The following COP1 variants were observed in gnomAD, a reference collection of about 807,000 sequenced individuals.
The protein encoded by COP1 is E3 ubiquitin-protein ligase COP1.
In COP1, 24 loss-of-function variants were observed where a neutral mutation model predicts 101.3. The ratio of observed to expected loss-of-function variants is 0.24; its 90% CI spans 0.17 to 0.33. The LOEUF (loss-of-function observed/expected upper bound fraction) is 0.33. COP1 is among the 10% of genes least tolerant of loss of function. The pLI, the probability that COP1 is intolerant of heterozygous loss-of-function variation, is 1.00. For missense variants in COP1, 663 were observed against 906.2 expected (o/e 0.73, Z 3.45); for synonymous variants, 347 against 341.9 (o/e 1.01, Z -0.17).
intron 8 of COP1, among the ~76,000 whole-genome samples, chr1:176,123,910 A>T (rs1687564410): frequency 6.6e-6 from 1 of 151,962 alleles, no homozygotes; most frequent in Non-Finnish European, 1.5e-5. Context: ...CATCTCTACC[A>T]CTCCCAAACC....
chr1:176,135,390 T>A (rs879538165), intron 7 of COP1, among the ~76,000 whole-genome samples: 1 of 152,068 alleles, frequency 6.6e-6, no homozygotes, highest in Admixed American at 6.6e-5. Flanking sequence ...ATATTTTAAA[T>A]GACATGTACA....
At chr1:175,972,764 C>A (rs1448910981) in intron 18 of COP1, among the ~76,000 whole-genome samples, 4 of 152,110 alleles carry the variant, frequency 2.6e-5, no homozygotes, top group African/African-American at 9.6e-5. Context: ...CTGCTCCCAG[C>A]CAAAAATGAC....
Position 176,043,933 on chromosome 1 carries a change from C to A in COP1, c.1422-115G>T, listed in dbSNP as rs904834212. ...TATTTTAAAATGGTCTCTATCAGTT[C>A]ACAATCATTATTCTGCCCACAACAT... is the stretch of plus-strand genomic sequence containing the variant. On this transcript the variant is annotated intron_variant, in intron 12 of 19. Transcript: ENST00000367669. The A allele has an allele frequency of 9.1e-6, 6 of 662,930 alleles. No individual in the cohort carries two copies. In the East Asian group the frequency reaches 1.3e-4, roughly 15 times the overall value. 41.1% of individuals were successfully genotyped at this position (662,930 alleles called of 1,614,324 possible). A position where few individuals can be genotyped will look rare whatever the true frequency, so the allele number is the denominator to read the frequency against.
intron 18 of COP1, among the ~76,000 whole-genome samples, chr1:175,959,033 G>A (rs762516854): frequency 2.6e-5 from 4 of 151,858 alleles, no homozygotes; most frequent in Non-Finnish European, 4.4e-5. Flanking sequence ...ATAGGCCAAT[G>A]TTATTCATAA....
At position 176,046,234 on chromosome 1, in the gene COP1, A is replaced by C; in HGVS notation, c.1368T>G (p.Asp456Glu). The change falls in exon 12 of 20, where the codon GAT becomes GAG. Residue 456 changes from aspartate (D) to glutamate (E), a missense_variant. Physicochemically the swap from Asp to Glu is conservative, Grantham distance 45. Transcript: ENST00000367669. ...KVYEYDTVIQ[D>E]AVDIHYPENE... ...TCTCAGGGTAATGAATATCCACTGCATCCTGGATGACAGTGTCATATTCAT... is the reference window on the plus strand; with the variant it reads ...TCTCAGGGTAATGAATATCCACTGCCTCCTGGATGACAGTGTCATATTCAT... 2 of 1,606,570 alleles carry C rather than the reference A, an allele frequency of 1.2e-6. No homozygotes were observed. Among genetic ancestry groups the C allele is most frequent in the Non-Finnish European group, 1.7e-6 (2 of 1,176,478 alleles).
chr1:175,978,497 GTTGCCTCAGT>G (rs1446638589), intron 18 of COP1, among the ~76,000 whole-genome samples: 2 of 152,044 alleles, frequency 1.3e-5, no homozygotes, highest in Non-Finnish European at 2.9e-5. Flanking sequence ...AATTACTAGG[GTTGCCTCAGT>G]TTTCTACCAC....
intron 1 of COP1, among the ~76,000 whole-genome samples, chr1:176,189,317 A>G (rs2102109354): frequency 6.6e-6 from 1 of 151,898 alleles, no homozygotes; most frequent in South Asian, 2.1e-4. Context: ...TTAGATTATA[A>G]TTGTCATTTG....
intron 9 of COP1, 30 bp downstream of exon 9, chr1:176,116,594 A>T (rs780530369): frequency 6.6e-7 from 1 of 1,519,174 alleles, no homozygotes; most frequent in South Asian, 1.1e-5. Context: ...TACTCATGGT[A>T]TCATTAAAGC....
At chr1:176,083,168 C>T (rs1317730383) in intron 10 of COP1, among the ~76,000 whole-genome samples, 2 of 152,234 alleles carry the variant, frequency 1.3e-5, no homozygotes, top group East Asian at 3.9e-4. Flanking sequence ...TATATGGAAT[C>T]CTATTACTGT....
intron 11 of COP1, among the ~76,000 whole-genome samples, chr1:176,053,127 T>C (rs1327047234): frequency 6.6e-6 from 1 of 152,176 alleles, no homozygotes; most frequent in African/African-American, 2.4e-5. Flanking sequence ...AAGTAAAAGC[T>C]AAATCTCTCT....
intron 1 of COP1, among the ~76,000 whole-genome samples, chr1:176,189,435 T>C (rs941517069): frequency 1.3e-5 from 2 of 151,932 alleles, no homozygotes; most frequent in Non-Finnish European, 2.9e-5. Context: ...GAAACAAAAA[T>C]ACTTCTTTAA....
intron 15 of COP1, among the ~76,000 whole-genome samples, chr1:175,998,316 T>A (rs1228887153): frequency 1.6e-5 from 2 of 126,690 alleles, no homozygotes; most frequent in African/African-American, 3.0e-5. Context: ...TGTTGTGGGG[T>A]GGGGGGAGAG....
chr1:176,102,167 TCTCTTGTC>T (rs944316786), intron 9 of COP1, among the ~76,000 whole-genome samples: 11 of 152,146 alleles, frequency 7.2e-5, no homozygotes, highest in African/African-American at 2.7e-4. Context: ...GAGCCTGGTC[TCTCTTGTC>T]CCTGGGTGGT....
At chr1:176,048,088 C>G (rs1671822574) in intron 11 of COP1, among the ~76,000 whole-genome samples, 1 of 151,862 alleles carries the variant, frequency 6.6e-6, no homozygotes, top group Non-Finnish European at 1.5e-5. Context: ...ACAACTACAA[C>G]AACAACAAGG....
chr1:176,159,276 G>A (rs1036576384), intron 5 of COP1, among the ~76,000 whole-genome samples: 1 of 152,070 alleles, frequency 6.6e-6, no homozygotes, highest in African/African-American at 2.4e-5. Flanking sequence ...TCATCAAATA[G>A]AAAACAAGGG....
intron 10 of COP1, 98 bp from the exon 11 acceptor site, chr1:176,081,385 C>T: frequency 2.1e-6 from 2 of 939,980 alleles, no homozygotes; most frequent in Non-Finnish European, 3.0e-6. Flanking sequence ...ATTCTAAATA[C>T]AAAAAACAAT....
chr1:176,129,990 C>T (rs1195958407), intron 8 of COP1, among the ~76,000 whole-genome samples: 1 of 151,686 alleles, frequency 6.6e-6, no homozygotes, highest in Non-Finnish European at 1.5e-5. Flanking sequence ...TTTAGCTCTG[C>T]TTCCTATTCA....
chr1:175,986,515 A>C (rs556118448), intron 18 of COP1, among the ~76,000 whole-genome samples: 1 of 152,016 alleles, frequency 6.6e-6, no homozygotes, highest in South Asian at 2.1e-4. Context: ...TTAGAGGACC[A>C]TATAGGCCAC....
chr1:176,096,364 T>G (rs1475039608), intron 9 of COP1, among the ~76,000 whole-genome samples: 1 of 152,170 alleles, frequency 6.6e-6, no homozygotes. Flanking sequence ...AGGCTCAGGA[T>G]GGTTGGGCGA....
Sources: allele counts gnomAD v4.1 joint callset (sites outside exome capture counted in the v4.1 genomes callset), GRCh38; gene constraint gnomAD v4.1.1; transcripts MANE v1.5; gene names NCBI Gene and HGNC (gene_info 2026-07-23, HGNC 2026-07-21).